SRGAP2B: variants seen among roughly 807,000 people sequenced by gnomAD.
SRGAP2B encodes the protein SLIT-ROBO Rho GTPase-activating protein 2B.
SRGAP2B carries 9 observed loss-of-function variants against 22.2 expected under a neutral mutation model. The observed-to-expected ratio is 0.41, with a 90% CI of 0.24 to 0.71. SRGAP2B has a LOEUF of 0.71. Ranked by LOEUF, SRGAP2B falls within the 30% of genes least tolerant of loss-of-function variation. The pLI is 0.35. For missense variants in SRGAP2B, 114 were observed against 235.8 expected (o/e 0.48, Z 3.38); for synonymous variants, 36 against 87.4 (o/e 0.41, Z 3.28).
At chr1:144,975,951 G>A (rs1360648269) in intron 3 of SRGAP2B, among the ~76,000 whole-genome samples, 1 of 139,366 alleles carries the variant, frequency 7.2e-6, no homozygotes, top group East Asian at 2.1e-4. Context: ...TCGGCTCACT[G>A]CAAGCTCCAC....
chr1:144,939,303 T>C (rs1665855452), intron 4 of SRGAP2B, among the ~76,000 whole-genome samples: 2 of 149,286 alleles, frequency 1.3e-5, no homozygotes, highest in Non-Finnish European at 2.9e-5. Context: ...GATATTTCTG[T>C]AAGATAAGAA....
chr1:145,039,548 C>T (rs587654601), intron 2 of SRGAP2B, among the ~76,000 whole-genome samples: 19 of 129,840 alleles, frequency 1.5e-4, no homozygotes, highest in African/African-American at 4.8e-4. Flanking sequence ...ATGTTCCAAC[C>T]TTAGCAGAGA....
intron 3 of SRGAP2B, among the ~76,000 whole-genome samples, chr1:144,973,581 A>AGG (rs1668685533): frequency 9.5e-6 from 1 of 105,690 alleles, no homozygotes; most frequent in East Asian, 2.5e-4. Context: ...GCACCCAATA[A>AGG]CCACTGTACC....
chr1:144,996,066 T>C (rs1377245177), intron 2 of SRGAP2B, among the ~76,000 whole-genome samples: 1 of 151,086 alleles, frequency 6.6e-6, no homozygotes, highest in African/African-American at 2.5e-5. Flanking sequence ...AGGGTCCTTG[T>C]ATGGAGCTAG....
intron 7 of SRGAP2B, among the ~76,000 whole-genome samples, chr1:144,904,655 C>CA (rs1157618122): frequency 1.9e-5 from 1 of 53,984 alleles, no homozygotes; most frequent in Non-Finnish European, 2.9e-5. Flanking sequence ...GCCAAGATTG[C>CA]ACCACTGCAC....
intron 3 of SRGAP2B, among the ~76,000 whole-genome samples, chr1:144,966,774 G>C (rs1553612329): frequency 1.3e-5 from 2 of 148,318 alleles, no homozygotes; most frequent in East Asian, 1.9e-4. Flanking sequence ...CACATAGGCT[G>C]AAAATAAAAG....
intron 2 of SRGAP2B, among the ~76,000 whole-genome samples, chr1:145,073,042 C>T (rs1652261704): frequency 6.7e-6 from 1 of 149,146 alleles, no homozygotes; most frequent in South Asian, 2.1e-4. Context: ...GCTCAGAACT[C>T]CAGTTTTCTC....
At chr1:144,952,731 C>T (rs1459281632) in intron 4 of SRGAP2B, among the ~76,000 whole-genome samples, 1 of 150,624 alleles carries the variant, frequency 6.6e-6, no homozygotes, top group Non-Finnish European at 1.5e-5. Context: ...CCTCAAACAC[C>T]TGGGCTCATG....
In SRGAP2B at chr1:144,994,585, A is replaced by T. The variant is rs1349223528; in HGVS notation, c.260+423T>A. On this transcript the variant is annotated intron_variant, in intron 3 of 9. Transcript: ENST00000612199. ...GTGTGTGTGAGAGAGAGAGAGAGAG[A>T]GAGAGAGAGAGAGAGAGAGAGAGAG... Among the ~76,000 whole-genome samples the T allele has an allele frequency of 2.0e-3, 296 of 148,604 alleles. 2 individuals carry two copies. Among genetic ancestry groups the T allele is most frequent in the Middle Eastern group, 0.014 (4 of 286 alleles).
At chr1:144,923,388 T>G (rs1294137766) in intron 4 of SRGAP2B, among the ~76,000 whole-genome samples, 2 of 150,126 alleles carry the variant, frequency 1.3e-5, no homozygotes, top group Non-Finnish European at 2.9e-5. Context: ...TTTCTTGAGG[T>G]CATTCTGAAG....
intron 2 of SRGAP2B, among the ~76,000 whole-genome samples, chr1:145,080,829 A>T (rs1364718977): frequency 6.7e-6 from 1 of 149,698 alleles, no homozygotes; most frequent in Non-Finnish European, 1.5e-5. Context: ...TGCTGGGATT[A>T]CAGGCTTGAG....
intron 3 of SRGAP2B, among the ~76,000 whole-genome samples, chr1:144,965,727 A>G (rs1178057021): frequency 1.4e-5 from 2 of 138,024 alleles, no homozygotes; most frequent in Non-Finnish European, 3.0e-5. Flanking sequence ...AAGGCAAAGA[A>G]GTTGAAAACT....
At chr1:144,958,154 A>G (rs1275750534) in intron 3 of SRGAP2B, among the ~76,000 whole-genome samples, 1 of 151,300 alleles carries the variant, frequency 6.6e-6, no homozygotes, top group African/African-American at 2.5e-5. Context: ...GTACAAACAA[A>G]AGGCCAGCTA....
At chr1:145,008,866 A>T (rs1179225957) in intron 2 of SRGAP2B, among the ~76,000 whole-genome samples, 1 of 146,606 alleles carries the variant, frequency 6.8e-6, no homozygotes, top group African/African-American at 2.6e-5. Flanking sequence ...AACAAAACAA[A>T]ACACCAAAAA....
chr1:145,013,765 AATC>A (rs1672223982), intron 2 of SRGAP2B, among the ~76,000 whole-genome samples: 2 of 150,204 alleles, frequency 1.3e-5, no homozygotes, highest in African/African-American at 2.5e-5. Flanking sequence ...TTTTTTAAAA[AATC>A]AACAACCTTA....
Position 145,076,334 on chromosome 1 carries a change from A to G in SRGAP2B, c.67+16501T>C, listed in dbSNP as rs1226434067. Among the ~76,000 whole-genome samples the G allele has an allele frequency of 2.0e-5, 3 of 149,634 alleles. 1 individual carries two copies. Among genetic ancestry groups the G allele is most frequent in the Non-Finnish European group, 3.0e-5 (2 of 67,554 alleles). The stretch of plus-strand genomic sequence containing the variant: ...ACATCACCATGCCTGGCTTATCTCT[A>G]TTTTCTAAAAAATACCTGTATACAC... On this transcript the variant is annotated intron_variant, in intron 2 of 9. Transcript: ENST00000612199.
At chr1:145,065,309 C>T (rs1442373325) in intron 2 of SRGAP2B, among the ~76,000 whole-genome samples, 15 of 150,788 alleles carry the variant, frequency 9.9e-5, no homozygotes, top group Admixed American at 9.9e-4. Flanking sequence ...TGCAACTAGG[C>T]AGCAGAGAGC....
chr1:145,076,911 TA>T (rs1272715594), intron 2 of SRGAP2B, among the ~76,000 whole-genome samples: 1 of 140,958 alleles, frequency 7.1e-6, no homozygotes, highest in Non-Finnish European at 1.5e-5. Flanking sequence ...AATAAAATAT[TA>T]AAAAAAAGAA....
chr1:144,993,136 A>C (rs1435166704), intron 3 of SRGAP2B, among the ~76,000 whole-genome samples: 1 of 151,106 alleles, frequency 6.6e-6, no homozygotes, highest in East Asian at 1.9e-4. Context: ...CACTGGAGTG[A>C]ATGTTCTGTT....
Sources: allele counts gnomAD v4.1 joint callset (sites outside exome capture counted in the v4.1 genomes callset), GRCh38; gene constraint gnomAD v4.1.1; transcripts MANE v1.5; gene names NCBI Gene and HGNC (gene_info 2026-07-23, HGNC 2026-07-21).